The following TMEM178B variants were observed in gnomAD, a reference collection of about 807,000 sequenced individuals.
The protein encoded by TMEM178B is transmembrane protein 178B.
In TMEM178B, 5 loss-of-function variants were observed where a neutral mutation model predicts 31.0. The observed-to-expected ratio is 0.16, with a 90% confidence interval of 0.08 to 0.34. TMEM178B has a LOEUF of 0.34. TMEM178B is among the 10% of genes least tolerant of loss of function. The pLI is 1.00. For synonymous variants in TMEM178B, 164 were observed against 164.0 expected, an observed-to-expected ratio of 1.00 and a Z score of 0.00; for missense variants, 275 against 400.3, an observed-to-expected ratio of 0.69 and a Z score of 2.67.
intron 2 of TMEM178B, among the ~76,000 whole-genome samples, chr7:141,396,466 T>C (rs1348756827): frequency 6.6e-6 from 1 of 152,348 alleles, no homozygotes; most frequent in East Asian, 1.9e-4. Flanking sequence ...TGAAGGTCTT[T>C]GAGAGCCAGA....
chr7:141,316,900 C>T (rs1799015520), intron 2 of TMEM178B, among the ~76,000 whole-genome samples: 1 of 152,184 alleles, frequency 6.6e-6, no homozygotes, highest in Non-Finnish European at 1.5e-5. Context: ...GCCTCTCCTG[C>T]AGTTTTGGAT....
chr7:141,074,322 A>T lies in TMEM178B; in HGVS notation c.12A>T (p.Gly4=). 1 of 1,517,996 alleles carries T rather than the reference A, an allele frequency of 6.6e-7. No homozygotes were observed. Among genetic ancestry groups the T allele is most frequent in the Non-Finnish European group, 8.8e-7 (1 of 1,134,416 alleles). The allele number at this position is 1,517,996 out of a possible 1,614,324, so 94.0% of individuals were successfully genotyped here. Reference sequence around the variant, plus strand: ...CGCCAAGCGGAGGCATGGCTGCCGGAAGGTTACTGCTCTACACTGGCCTCT... The same window carrying T: ...CGCCAAGCGGAGGCATGGCTGCCGGTAGGTTACTGCTCTACACTGGCCTCT... MAA[G]RLLLYTGLSL... The change falls in exon 1 of 4, where the codon GGA becomes GGT. Residue 4 remains glycine, a synonymous_variant. Transcript: ENST00000565468. This position sits in a 1 kb window ranked among gnomAD's most constrained non-coding sequence, Gnocchi z 5.1.
chr7:141,496,607 T>C, the TMEM178B span, among the ~76,000 whole-genome samples: 1 of 137,184 alleles, frequency 7.3e-6, no homozygotes, highest in Non-Finnish European at 1.5e-5. Flanking sequence ...GAGGCGGAGC[T>C]TGCAGTGAGC....
intron 1 of TMEM178B, among the ~76,000 whole-genome samples, chr7:141,139,217 A>G (rs1795727270): frequency 6.6e-6 from 1 of 152,240 alleles, no homozygotes; most frequent in Non-Finnish European, 1.5e-5. Context: ...AGTCAGCTGA[A>G]ATACAATGAA....
At chr7:141,288,384 C>T (rs1798484929) in intron 2 of TMEM178B, among the ~76,000 whole-genome samples, 1 of 151,818 alleles carries the variant, frequency 6.6e-6, no homozygotes, top group African/African-American at 2.4e-5. Context: ...TGCCTCGCTC[C>T]ATCCTTTATT....
At chr7:141,148,114 C>T (rs1795885260) in intron 1 of TMEM178B, among the ~76,000 whole-genome samples, 2 of 152,128 alleles carry the variant, frequency 1.3e-5, no homozygotes, top group Non-Finnish European at 2.9e-5. Context: ...AGAGCCCATT[C>T]CCTGCCTTTT....
In TMEM178B at chr7:141,320,054, G is replaced by T. The variant is rs577798598; in HGVS notation, c.496+107350G>T. The stretch of plus-strand genomic sequence containing the variant: ...GGATCATGGGGGTGGTTTCCCCCAT[G>T]CTGTTCTCATGATAGGGAGTTCTCA... On this transcript the variant is annotated intron_variant, in intron 2 of 3. Coordinates refer to ENST00000565468, the MANE Select transcript of TMEM178B (RefSeq NM_001195278.2). Among the ~76,000 whole-genome samples, 12 of 152,090 alleles carry T rather than the reference G, an allele frequency of 7.9e-5. No individual in the cohort carries two copies. In the South Asian group the frequency reaches 1.7e-3, roughly 21 times the overall value.
intron 3 of TMEM178B, among the ~76,000 whole-genome samples, chr7:141,469,060 T>G (rs1443558334): frequency 1.3e-5 from 2 of 152,238 alleles, no homozygotes; most frequent in African/African-American, 2.4e-5. Context: ...GCCACCATGT[T>G]GAACATGCCT....
In TMEM178B at chr7:141,200,432, T is replaced by A. The variant is rs562601269; in HGVS notation, c.383-12159T>A. On this transcript the variant is annotated intron_variant, in intron 1 of 3. Transcript: ENST00000565468. ...GTCCTGGTTGCGGGGGGAGACAGGA[T>A]GGCTTGAAGGAGCTGTGGAATGAAA... Among the ~76,000 whole-genome samples, 124 of 152,162 alleles carry A rather than the reference T, an allele frequency of 8.1e-4. 2 individuals are homozygous for A. In the South Asian group the frequency reaches 0.021, roughly 26 times the overall value.
intron 1 of TMEM178B, among the ~76,000 whole-genome samples, chr7:141,201,395 C>T (rs1796875611): frequency 6.6e-6 from 1 of 152,010 alleles, no homozygotes; most frequent in Non-Finnish European, 1.5e-5. Flanking sequence ...GTTGGGGGAG[C>T]CGGGAAGTGT....
chr7:141,245,170 CAAAAAAAAAAAAAAAAAAAAAAAAAAA>C (rs59281560), intron 2 of TMEM178B, among the ~76,000 whole-genome samples: 2 of 23,092 alleles, frequency 8.7e-5, no homozygotes, highest in Non-Finnish European at 1.7e-4. Flanking sequence ...ACTCCATCAC[CAAAAAAAAAAAAAAAAAAAAAAAAAAA>C]AAAAAAAAAA....
intron 1 of TMEM178B, among the ~76,000 whole-genome samples, chr7:141,209,184 C>CT (rs1797012299): frequency 6.6e-6 from 1 of 152,204 alleles, no homozygotes; most frequent in South Asian, 2.1e-4. Context: ...ACCTTCTACC[C>CT]TTTATATCTT....
chr7:141,483,892 C>T (rs553132986), downstream of TMEM178B, among the ~76,000 whole-genome samples: 1 of 152,104 alleles, frequency 6.6e-6, no homozygotes, highest in African/African-American at 2.4e-5. Context: ...CCCACCATCA[C>T]GCCTGGCTAA....
intron 2 of TMEM178B, among the ~76,000 whole-genome samples, chr7:141,395,217 T>C (rs1800615651): frequency 6.6e-6 from 1 of 152,168 alleles, no homozygotes; most frequent in Admixed American, 6.5e-5. Context: ...TCCACAGAAG[T>C]GTAGAGCAGT....
At chr7:141,096,097 T>G (rs1286860797) in intron 1 of TMEM178B, among the ~76,000 whole-genome samples, 2 of 152,230 alleles carry the variant, frequency 1.3e-5, no homozygotes, top group African/African-American at 2.4e-5. Flanking sequence ...TTGCTCTGTC[T>G]CCTCATAACT....
intron 2 of TMEM178B, among the ~76,000 whole-genome samples, chr7:141,246,509 A>C (rs1797732076): frequency 6.6e-6 from 1 of 152,242 alleles, no homozygotes; most frequent in African/African-American, 2.4e-5. Flanking sequence ...AATTTGGCTA[A>C]ATATGTAAGA....
chr7:141,395,086 C>T (rs1191780350), intron 2 of TMEM178B, among the ~76,000 whole-genome samples: 1 of 152,212 alleles, frequency 6.6e-6, no homozygotes, highest in African/African-American at 2.4e-5. Context: ...AGACACTGGG[C>T]AGTCCTCCAC....
Position 141,255,143 on chromosome 7 carries a change from A to G in TMEM178B, c.496+42439A>G, listed in dbSNP as rs144934442. Among the ~76,000 whole-genome samples, 11 of 152,318 alleles carry G rather than the reference A, an allele frequency of 7.2e-5. No homozygotes were observed. The East Asian group carries it at 2.1e-3, about 29-fold the overall frequency. On this transcript the variant is annotated intron_variant, in intron 2 of 3. Coordinates refer to ENST00000565468, the MANE Select transcript of TMEM178B (RefSeq NM_001195278.2). ...CACACAGTTTTCAGGAGCATGATGCAAGGTCTGCCTATTTTTCTCATTTTT... is the reference window on the plus strand; with the variant it reads ...CACACAGTTTTCAGGAGCATGATGCGAGGTCTGCCTATTTTTCTCATTTTT...
chr7:141,126,849 T>A (rs1233375048), intron 1 of TMEM178B, among the ~76,000 whole-genome samples: 1 of 147,150 alleles, frequency 6.8e-6, no homozygotes, highest in Non-Finnish European at 1.5e-5. Context: ...CTTTGGTATC[T>A]TCTCAAAGTG....
Sources: allele counts gnomAD v4.1 joint callset (sites outside exome capture counted in the v4.1 genomes callset), GRCh38; gene constraint gnomAD v4.1.1; non-coding constraint Gnocchi (gnomAD v3.1); transcripts MANE v1.5; gene names NCBI Gene and HGNC (gene_info 2026-07-23, HGNC 2026-07-21).